The following NAALAD2 variants were observed in gnomAD, a reference collection of about 807,000 sequenced individuals.
NAALAD2 encodes the protein N-acetylated alpha-linked acidic dipeptidase 2.
Under a neutral mutation model 95.6 loss-of-function variants are expected in NAALAD2, and 89 were observed. The observed-to-expected ratio is 0.93, with a 90% CI of 0.78 to 1.11. NAALAD2 has a LOEUF of 1.11. Among genes scored for constraint, NAALAD2 ranks in the 50% least tolerant of loss-of-function variants. NAALAD2 has a pLI of 0.00. For missense variants in NAALAD2, 894 were observed against 872.4 expected (o/e 1.02, Z -0.31); for synonymous variants, 264 against 294.4 (o/e 0.90, Z 1.06).
chr11:90,184,826 C>T (rs924206071), intron 18 of NAALAD2, among the ~76,000 whole-genome samples: 24 of 151,708 alleles, frequency 1.6e-4, no homozygotes, highest in Non-Finnish European at 2.9e-4. Context: ...GTGAGTTCCA[C>T]ATCTGTTGAT....
chr11:90,171,674 C>G (rs966903442), intron 13 of NAALAD2, among the ~76,000 whole-genome samples: 6 of 152,144 alleles, frequency 3.9e-5, no homozygotes, highest in African/African-American at 1.4e-4. Flanking sequence ...TGTTTTTACT[C>G]TCCTGTAAAC....
intron 18 of NAALAD2, among the ~76,000 whole-genome samples, chr11:90,184,677 G>C (rs1309252715): frequency 1.3e-5 from 2 of 151,920 alleles, no homozygotes; most frequent in Non-Finnish European, 2.9e-5. Flanking sequence ...AAAAGGAGCA[G>C]TGCTTCTTCA....
chr11:90,143,960 G>T (rs1951685013), intron 2 of NAALAD2, among the ~76,000 whole-genome samples: 1 of 152,100 alleles, frequency 6.6e-6, no homozygotes, highest in Admixed American at 6.5e-5. Context: ...TTGTAATGAG[G>T]AATAAATCAG....
intron 18 of NAALAD2, among the ~76,000 whole-genome samples, chr11:90,187,735 T>C (rs1857198175): frequency 6.6e-6 from 1 of 152,236 alleles, no homozygotes; most frequent in African/African-American, 2.4e-5. Flanking sequence ...ATGACATTTT[T>C]AAGATCTGCT....
chr11:90,155,410 T>C (rs1314138202), intron 6 of NAALAD2, among the ~76,000 whole-genome samples: 1 of 104,194 alleles, frequency 9.6e-6, no homozygotes, highest in African/African-American at 3.8e-5. Flanking sequence ...ATATATAATG[T>C]AATATTACAT....
chr11:90,177,613 T>G (rs1254852826), intron 15 of NAALAD2, among the ~76,000 whole-genome samples: 15 of 97,898 alleles, frequency 1.5e-4, no homozygotes, highest in East Asian at 1.0e-3. Flanking sequence ...TTTTTTTTTT[T>G]TTTTTTTTTT....
At chr11:90,188,996 A>C (rs567126852) in intron 18 of NAALAD2, among the ~76,000 whole-genome samples, 4 of 152,312 alleles carry the variant, frequency 2.6e-5, no homozygotes, top group African/African-American at 9.6e-5. Context: ...GAGTCACACT[A>C]ATCAGCTGAG....
chr11:90,191,736 G>T lies in NAALAD2; in HGVS notation c.2212G>T (p.Glu738Ter). Residue 738 changes from glutamate (E) to a stop codon, truncating the protein, a stop_gained, in exon 19 of 19, where the codon GAA (glutamate) becomes TAA (stop). Coordinates refer to ENST00000534061, the MANE Select transcript of NAALAD2 (RefSeq NM_005467.4). LOFTEE classifies it high-confidence loss of function. ...TCAAGCAGCAGCAGGAACTCTGAAA[G>T]AAGTATTATAGAAGGTCTCAAGTGG... ...TIQAAAGTLKEVL is the reference protein window; with the variant it reads ...TIQAAAGTLK The T allele has an allele frequency of 6.3e-7, 1 of 1,583,730 alleles. No homozygotes were observed.
intron 8 of NAALAD2, among the ~76,000 whole-genome samples, chr11:90,160,871 AC>A (rs1482801068): frequency 6.6e-6 from 1 of 152,240 alleles, no homozygotes; most frequent in Non-Finnish European, 1.5e-5. Context: ...ATAAACAACA[AC>A]AAAACTAAAA....
intron 2 of NAALAD2, among the ~76,000 whole-genome samples, chr11:90,144,757 G>GAAAAAAAAAAAAAAAAAA (rs1302696048): frequency 1.5e-5 from 2 of 129,496 alleles, no homozygotes; most frequent in Non-Finnish European, 3.2e-5. Context: ...AAAAAAAAAC[G>GAAAAAAAAAAAAAAAAAA]GAAAAGAAAG....
intron 2 of NAALAD2, among the ~76,000 whole-genome samples, chr11:90,144,586 C>CA (rs1951703319): frequency 1.3e-5 from 2 of 151,242 alleles, no homozygotes; most frequent in Admixed American, 6.6e-5. Context: ...ATTAAAAATA[C>CA]AAAAAATTAG....
At chr11:90,161,259 A>G (rs1952288677) in intron 8 of NAALAD2, among the ~76,000 whole-genome samples, 1 of 151,636 alleles carries the variant, frequency 6.6e-6, no homozygotes, top group East Asian at 1.9e-4. Context: ...CCTTCACTAG[A>G]CAGATTGTGC....
chr11:90,187,167 AAAC>A (rs1332804293), intron 18 of NAALAD2, among the ~76,000 whole-genome samples: 5 of 151,394 alleles, frequency 3.3e-5, no homozygotes, highest in East Asian at 3.9e-4. Context: ...AAAAGTCAGG[AAAC>A]AACAGGTGCT....
At chr11:90,139,751 A>G (rs948685404) in intron 2 of NAALAD2, among the ~76,000 whole-genome samples, 2 of 152,078 alleles carry the variant, frequency 1.3e-5, no homozygotes, top group Non-Finnish European at 2.9e-5. Flanking sequence ...TCCTACACCC[A>G]CATAAAAGCT....
At chr11:90,154,958 A>G (rs1952005848) in intron 6 of NAALAD2, among the ~76,000 whole-genome samples, 1 of 100,148 alleles carries the variant, frequency 1.0e-5, no homozygotes, top group African/African-American at 4.1e-5. Context: ...ATATACGTAT[A>G]CATAATATGT....
At chr11:90,147,636 T>C (rs1951778028) in intron 3 of NAALAD2, 120 bp downstream of exon 3, 2 of 893,032 alleles carry the variant, frequency 2.2e-6, no homozygotes, top group Non-Finnish European at 3.3e-6. Flanking sequence ...ATCCACTATG[T>C]GTTCGACATG....
Position 90,192,128 on chromosome 11 carries a change from C to G in NAALAD2, c.*381C>G, listed in dbSNP as rs1857347020. The G allele has an allele frequency of 6.5e-6, 1 of 153,146 alleles. No homozygotes were observed. The highest frequency in any genetic ancestry group is 2.1e-4 in the South Asian group (1 of 4,834). 9.5% of individuals were successfully genotyped at this position (153,146 alleles called of 1,614,324 possible). A position where few individuals can be genotyped will look rare whatever the true frequency, so the allele number is the denominator to read the frequency against. On this transcript the variant is annotated 3_prime_UTR_variant, in exon 19 of 19. Transcript: ENST00000534061. ...ACTTTTACTTTAGGACTCCAGAATT[C>G]CACTTCTAGTTATTTATTCAAGAGA...
upstream of NAALAD2, chr11:90,134,494 C>G: frequency 2.1e-6 from 1 of 471,576 alleles, no homozygotes; most frequent in South Asian, 2.9e-5. Flanking sequence ...CCGCCACCTA[C>G]TATGTCCGGG....
intron 16 of NAALAD2, 54 bp from the exon 17 acceptor site, chr11:90,181,566 C>A: frequency 7.8e-7 from 1 of 1,277,070 alleles, no homozygotes; most frequent in Non-Finnish European, 1.1e-6. Flanking sequence ...GGTGGGAAAG[C>A]GAACCTCTGA....
Sources: gnomAD v4.1 joint callset for allele counts (sites outside exome capture counted in the v4.1 genomes callset) on GRCh38, gnomAD v4.1.1 for gene constraint, MANE v1.5 for transcripts, NCBI Gene and HGNC (gene_info 2026-07-23, HGNC 2026-07-21) for gene names.